The following TST variants were observed in gnomAD, a reference collection of about 807,000 sequenced individuals.
TST encodes epididymis secretory sperm binding protein.
Under a neutral mutation model 20.4 loss-of-function variants are expected in TST, and 22 were observed. That is an observed-to-expected ratio of 1.08 (90% CI 0.77 to 1.54). The LOEUF (loss-of-function observed/expected upper bound fraction) is 1.54, where lower values mean the gene tolerates loss of function less well. Among genes scored for constraint, TST ranks in the 40% most tolerant of loss-of-function variants. TST has a pLI of 0.00. For missense variants in TST, 392 were observed against 405.2 expected (o/e 0.97, Z 0.28); for synonymous variants, 187 against 173.8 (o/e 1.08, Z -0.60).
chr22:37,018,905 G>A (rs1922830674), intron 1 of TST, 152 bp from the exon 2 acceptor site: 8 of 543,124 alleles, frequency 1.5e-5, no homozygotes, highest in Non-Finnish European at 2.1e-5. Flanking sequence ...GCGTGCAGCG[G>A]GATAAGTTTG....
At chr22:37,015,078 C>T (rs1922627786) in intron 2 of TST, among the ~76,000 whole-genome samples, 1 of 152,194 alleles carries the variant, frequency 6.6e-6, no homozygotes, top group Non-Finnish European at 1.5e-5. Context: ...TCACCCCACC[C>T]ACAGCAGTAG....
intron 2 of TST, among the ~76,000 whole-genome samples, chr22:37,015,541 A>G (rs6000534): frequency 0.47 from 70,812 of 152,100 alleles, 16,715 homozygotes; most frequent in East Asian, 0.63. Context: ...CAGGACTAAG[A>G]GCTTGTGGAG....
At position 37,018,334 on chromosome 22, in the gene TST, GT is replaced by G; in HGVS notation, c.398del (p.Asn133ThrfsTer3). On this transcript the variant is annotated frameshift_variant, in exon 2 of 3. Coordinates refer to ENST00000249042, the MANE Select transcript of TST (RefSeq NM_003312.6). LOFTEE classifies it high-confidence loss of function. The stretch of plus-strand genomic sequence containing the variant: ...TCACCGGGTGGCCCTCCTTCAGCCA[GT>G]TCCGGAAGCCACCATTGAGCACTGA... ...TVSVLNGGFR[N>X]WLKEGHPVTS... 1 of 1,613,982 alleles carries G rather than the reference GT, an allele frequency of 6.2e-7. No individual in the cohort carries two copies. The highest frequency in any genetic ancestry group is 8.5e-7 in the Non-Finnish European group (1 of 1,180,028).
Position 37,018,501 on chromosome 22 carries a change from C to T in TST, c.232G>A (p.Glu78Lys), listed in dbSNP as rs757838220. 30 of 1,605,804 alleles carry T rather than the reference C, an allele frequency of 1.9e-5. No homozygotes were observed. The highest frequency in any genetic ancestry group is 2.3e-5 in the Non-Finnish European group (27 of 1,175,860). Residue 78 changes from glutamate to lysine, a missense_variant, in exon 2 of 3, where the codon GAG becomes AAG. Transcript: ENST00000249042. ...ASPYEMMLPS[E>K]AGFAEYVGRL... Reference sequence around the variant, plus strand: ...CCCACATACTCGGCGAAGCCAGCCTCGCTGGGCAGCATCATCTCGTAGGGC... The same window carrying T: ...CCCACATACTCGGCGAAGCCAGCCTTGCTGGGCAGCATCATCTCGTAGGGC...
rs147678269 is a variant in TST at position 37,011,111 on chromosome 22, G to C, written c.810C>G (p.Ala270=). The change falls in exon 3 of 3, where the codon GCC becomes GCG. Residue 270 remains alanine (A), a synonymous_variant. Transcript: ENST00000249042. ...AAYLCGKPDV[A]VYDGSWSEWF... ...ACTCGGACCAGGAGCCATCGTACACGGCCACATCAGGCTTGCCGCAGAGGT... is the reference window on the plus strand; with the variant it reads ...ACTCGGACCAGGAGCCATCGTACACCGCCACATCAGGCTTGCCGCAGAGGT... The C allele has an allele frequency of 1.2e-6, 2 of 1,613,560 alleles. No individual in the cohort carries two copies. The highest frequency in any genetic ancestry group is 2.2e-5 in the South Asian group (2 of 91,068).
chr22:37,016,471 A>C (rs971470152), intron 2 of TST, among the ~76,000 whole-genome samples: 2 of 152,146 alleles, frequency 1.3e-5, no homozygotes, highest in Admixed American at 1.3e-4. Flanking sequence ...CCGGGCCTTC[A>C]GGAGGCATTA....
rs35156365 is a variant in TST at position 37,018,427 on chromosome 22, T to G, written c.306A>C (p.Glu102Asp). The G allele has an allele frequency of 6.7e-3, 10,870 of 1,613,426 alleles. 517 individuals are homozygous for G. In the African/African-American group the frequency reaches 0.11, roughly 17 times the overall value. Reference sequence around the variant, plus strand: ...GGGGAGCATAGAAGCTGCCCAGGTGTTCACCATCATACACCACCACGTGCG... The same window carrying G: ...GGGGAGCATAGAAGCTGCCCAGGTGGTCACCATCATACACCACCACGTGCG... ...NHTHVVVYDG[E>D]HLGSFYAPRV... The change falls in exon 2 of 3, where the codon GAA becomes GAC. Residue 102 changes from glutamate (E) to aspartate (D), a missense_variant. Coordinates refer to ENST00000249042, the MANE Select transcript of TST (RefSeq NM_003312.6).
chr22:37,018,863 T>G, intron 1 of TST, 110 bp from the exon 2 acceptor site: 1 of 775,472 alleles, frequency 1.3e-6, no homozygotes, highest in Non-Finnish European at 1.9e-6. Context: ...CTCCCCCGGG[T>G]TCCTTGTTTA....
chr22:37,011,920 T>G (rs1168109293), intron 2 of TST, among the ~76,000 whole-genome samples: 1 of 152,174 alleles, frequency 6.6e-6, no homozygotes, highest in African/African-American at 2.4e-5. Context: ...CACAGAAAGA[T>G]GAAGGCAGAC....
chr22:37,013,868 T>C (rs1322148854), intron 2 of TST, among the ~76,000 whole-genome samples: 1 of 152,130 alleles, frequency 6.6e-6, no homozygotes, highest in African/African-American at 2.4e-5. Flanking sequence ...CCATCCCTGA[T>C]GACACAGCCC....
chr22:37,019,960 C>G, upstream of TST: 1 of 644,050 alleles, frequency 1.6e-6, no homozygotes, highest in Non-Finnish European at 2.2e-6. Flanking sequence ...CCGCGCGGGA[C>G]CTGGGCGGAA....
intron 2 of TST, among the ~76,000 whole-genome samples, chr22:37,012,779 C>T (rs1389864244): frequency 6.6e-6 from 1 of 152,232 alleles, no homozygotes; most frequent in Non-Finnish European, 1.5e-5. Context: ...GATGCAGTGG[C>T]TCACGCCTGT....
intron 2 of TST, among the ~76,000 whole-genome samples, chr22:37,017,499 C>G (rs938621795): frequency 6.6e-6 from 1 of 152,210 alleles, no homozygotes; most frequent in East Asian, 1.9e-4. Flanking sequence ...GTCCCCCCAC[C>G]CCCCGCTGCC....
intron 2 of TST, among the ~76,000 whole-genome samples, chr22:37,017,406 G>T (rs989893487): frequency 6.6e-6 from 1 of 152,172 alleles, no homozygotes; most frequent in Non-Finnish European, 1.5e-5. Context: ...CATTGGGTGC[G>T]TCCTGGTTTA....
Position 37,011,317 on chromosome 22 carries a change from A to T in TST, c.604T>A (p.Ser202Thr). Residue 202 changes from serine (S) to threonine (T), a missense_variant, in exon 3 of 3, where the codon TCG becomes ACG. Physicochemically the swap from Ser to Thr is moderately conservative, Grantham distance 58. Coordinates refer to ENST00000249042, the MANE Select transcript of TST (RefSeq NM_003312.6). ...TTGACGGCACCACGGATATGGCCCG[A>T]GTCCAGTCCTGGGCAGGGCAGAGGA... ...EPEPDAVGLD[S>T]GHIRGAVNMP... 6.2e-7 allele frequency: 1 copy of T among 1,611,892 alleles called. No homozygotes were observed. The highest frequency in any genetic ancestry group is 8.5e-7 in the Non-Finnish European group (1 of 1,178,460).
chr22:37,019,899 C>G, upstream of TST: 1 of 1,175,842 alleles, frequency 8.5e-7, no homozygotes, highest in Non-Finnish European at 1.1e-6. Flanking sequence ...GGCGGCTTGC[C>G]TTTCTGGAGG....
chr22:37,013,626 GT>G (rs1278968623), intron 2 of TST, among the ~76,000 whole-genome samples: 2 of 152,086 alleles, frequency 1.3e-5, no homozygotes, highest in African/African-American at 4.8e-5. Flanking sequence ...AAAAAAGGAA[GT>G]TTGATTGCAT....
At chr22:37,015,295 G>A (rs58293437) in intron 2 of TST, among the ~76,000 whole-genome samples, 4,683 of 152,254 alleles carry the variant, frequency 0.031, 246 homozygotes, top group African/African-American at 0.11. Context: ...GCTCATTAGC[G>A]GGTCGATACC....
At chr22:37,019,937 C>A, upstream of TST, 2 of 762,172 alleles carry the variant, frequency 2.6e-6, no homozygotes, top group South Asian at 6.6e-5. Flanking sequence ...TGGGGGTGCT[C>A]GGCGCGGGGC....
Sources: gnomAD v4.1 joint callset for allele counts (sites outside exome capture counted in the v4.1 genomes callset) on GRCh38, gnomAD v4.1.1 for gene constraint, MANE v1.5 for transcripts, NCBI Gene and HGNC (gene_info 2026-07-23, HGNC 2026-07-21) for gene names.